Variants in USP4 observed in about 807,000 individuals in gnomAD.
The protein encoded by USP4 is ubiquitin carboxyl-terminal hydrolase 4.
Under a neutral mutation model 118.2 loss-of-function variants are expected in USP4, and 72 were observed. The ratio of observed to expected loss-of-function variants is 0.61; its 90% CI spans 0.50 to 0.74. The LOEUF is 0.74. Among genes scored for constraint, USP4 ranks in the 30% least tolerant of loss-of-function variants. The pLI is 0.00. For synonymous variants in USP4, 415 were observed against 440.4 expected, an observed-to-expected ratio of 0.94 and a Z score of 0.72; for missense variants, 1,037 against 1,185.7, an observed-to-expected ratio of 0.87 and a Z score of 1.84.
chr3:49,329,040 T>C (rs2107801842), intron 2 of USP4, among the ~76,000 whole-genome samples: 1 of 151,470 alleles, frequency 6.6e-6, no homozygotes, highest in Admixed American at 6.6e-5. Flanking sequence ...TAGCTGGGCA[T>C]GGTGGTGCAC....
chr3:49,330,015 C>T (rs1035651985), intron 2 of USP4, among the ~76,000 whole-genome samples: 9 of 151,822 alleles, frequency 5.9e-5, no homozygotes, highest in Admixed American at 5.9e-4. Flanking sequence ...GGACGGGCAC[C>T]TGTATCCCAG....
chr3:49,278,560 G>C (rs1048863171), intron 21 of USP4, 109 bp from the exon 22 acceptor site: 2 of 1,341,536 alleles, frequency 1.5e-6, no homozygotes, highest in Admixed American at 2.1e-5. Flanking sequence ...TATCCACACA[G>C]AGGAGACCCT....
chr3:49,311,777 AG>A, intron 6 of USP4, 123 bp from the exon 7 acceptor site: 1 of 1,425,954 alleles, frequency 7.0e-7, no homozygotes, highest in Non-Finnish European at 9.2e-7. Flanking sequence ...AATTACAAAA[AG>A]CCTGTATTCA....
Position 49,278,469 on chromosome 3 carries a change from GA to G in USP4, c.2734-19del, listed in dbSNP as rs1559461851. The G allele has an allele frequency of 1.9e-6, 3 of 1,610,780 alleles. No homozygotes were observed. Among genetic ancestry groups the G allele is most frequent in the Admixed American group, 3.4e-5 (2 of 59,606 alleles). Reference sequence around the variant, plus strand: ...GCTTTAGTCTGAAATACAAGAGGGGGAAAGACCATTCAGTGCTTGGAAAAAT... The same window carrying G: ...GCTTTAGTCTGAAATACAAGAGGGGGAAGACCATTCAGTGCTTGGAAAAAT... On this transcript the variant is annotated intron_variant, in intron 21 of 21. Transcript: ENST00000265560.
rs552053560 is a variant in USP4, at chr3:49,327,426, C to T, written c.360+260G>A. ...TGAAAGGCGCCTGTAATCCCAGCTA[C>T]TCAGGAGGCTGAGGCACGAGAATCA... is the stretch of plus-strand genomic sequence containing the variant. On this transcript the variant is annotated intron_variant, in intron 3 of 21. Coordinates refer to ENST00000265560, the MANE Select transcript of USP4 (RefSeq NM_003363.4). Among the ~76,000 whole-genome samples, 4 of 152,246 alleles carry T rather than the reference C, an allele frequency of 2.6e-5. No individual in the cohort carries two copies. The South Asian group carries it at 6.2e-4, about 24-fold the overall frequency.
At chr3:49,329,284 T>C (rs951527962) in intron 2 of USP4, among the ~76,000 whole-genome samples, 4 of 152,210 alleles carry the variant, frequency 2.6e-5, no homozygotes, top group Non-Finnish European at 4.4e-5. Flanking sequence ...TTGCTGTTAC[T>C]TCTCCCACTG....
chr3:49,333,390 A>G (rs2047639560), intron 2 of USP4, among the ~76,000 whole-genome samples: 1 of 152,152 alleles, frequency 6.6e-6, no homozygotes, highest in Non-Finnish European at 1.5e-5. Flanking sequence ...ACTTAAGTCC[A>G]GGAGGTTTAC....
At chr3:49,316,165 G>A (rs1255236158) in intron 6 of USP4, among the ~76,000 whole-genome samples, 1 of 152,000 alleles carries the variant, frequency 6.6e-6, no homozygotes, top group East Asian at 1.9e-4. Flanking sequence ...TCGCGCCATT[G>A]CACTCCAGAC....
intron 10 of USP4, 142 bp from the exon 11 acceptor site, chr3:49,300,833 G>T: frequency 1.4e-6 from 1 of 710,886 alleles, no homozygotes; most frequent in Non-Finnish European, 2.3e-6. Flanking sequence ...AACAAGGCCA[G>T]GACTACTCTT....
intron 7 of USP4, 75 bp downstream of exon 7, chr3:49,311,439 A>G: frequency 3.3e-6 from 5 of 1,529,588 alleles, no homozygotes; most frequent in Non-Finnish European, 4.5e-6. Flanking sequence ...TTAGTGGAGC[A>G]GCAGATGAGC....
intron 17 of USP4, 103 bp downstream of exon 17, chr3:49,284,742 TTAAA>T: frequency 7.8e-7 from 1 of 1,282,990 alleles, no homozygotes; most frequent in South Asian, 1.3e-5. Context: ...CTTCTCAGTC[TTAAA>T]TATAACTTGC....
At chr3:49,304,233 A>G (rs1438924279) in intron 9 of USP4, among the ~76,000 whole-genome samples, 3 of 152,130 alleles carry the variant, frequency 2.0e-5, no homozygotes, top group African/African-American at 7.2e-5. Flanking sequence ...TGAATCATAA[A>G]TATGCATGTC....
At chr3:49,325,959 T>C in intron 3 of USP4, 114 bp from the exon 4 acceptor site, 3 of 1,329,386 alleles carry the variant, frequency 2.3e-6, no homozygotes, top group Non-Finnish European at 1.0e-6. Flanking sequence ...CCATTTCCTT[T>C]ACTGATCAAG....
Position 49,302,445 on chromosome 3 carries a change from A to T in USP4, c.1226T>A (p.Leu409Gln). The T allele has an allele frequency of 6.2e-7, 1 of 1,614,210 alleles. No individual in the cohort carries two copies. Among genetic ancestry groups the T allele is most frequent in the Non-Finnish European group, 8.5e-7 (1 of 1,180,044 alleles). The change falls in exon 10 of 22, where the codon CTG (leucine) becomes CAG (glutamine). Residue 409 changes from leucine (L) to glutamine (Q), a missense_variant. By Grantham distance (113) the Leu-to-Gln change is moderately radical. This residue lies in a region of USP4 where 487 missense variants were observed against 534.1 expected (regional missense o/e 0.91). Coordinates refer to ENST00000265560, the MANE Select transcript of USP4 (RefSeq NM_003363.4). ...AFLLDGLHED[L>Q]NRVKKKPYLE... ...GTAGGGCTTTTTCTTTACCCGGTTC[A>T]GATCTTCATGCAATCCATCTAGAAG... is the stretch of plus-strand genomic sequence containing the variant.
intron 14 of USP4, among the ~76,000 whole-genome samples, chr3:49,294,174 G>A (rs1446854505): frequency 1.3e-5 from 2 of 152,176 alleles, no homozygotes; most frequent in East Asian, 3.9e-4. Flanking sequence ...TAGTAGAGAC[G>A]GGATTTCACC....
At chr3:49,287,421 T>C (rs900092194) in intron 15 of USP4, among the ~76,000 whole-genome samples, 42 of 152,236 alleles carry the variant, frequency 2.8e-4, no homozygotes, top group African/African-American at 9.6e-4. Context: ...CCCAAAGTAC[T>C]GGGATTACAG....
At chr3:49,279,404 CAG>C (rs771166336) in intron 20 of USP4, among the ~76,000 whole-genome samples, 4 of 151,450 alleles carry the variant, frequency 2.6e-5, no homozygotes, top group Non-Finnish European at 2.9e-5. Context: ...TTTGGGTTTG[CAG>C]AGCTGGGATG....
At position 49,292,491 on chromosome 3, in the gene USP4, G is replaced by A. The variant is rs556516089; in HGVS notation, c.1972+19C>T. The A allele has an allele frequency of 1.1e-4, 166 of 1,508,494 alleles. 5 individuals carry two copies. The South Asian group carries it at 2.0e-3, about 18-fold the overall frequency. 93.4% of individuals were successfully genotyped at this position (1,508,494 alleles called of 1,614,324 possible). ...AGGTATTTGGTCAGTCACAGCCACA[G>A]AGCATGGTGCATACTCACCTTCACA... On this transcript the variant is annotated intron_variant, in intron 15 of 21. Transcript: ENST00000265560.
At chr3:49,281,452 T>C (rs2047024042) in intron 19 of USP4, among the ~76,000 whole-genome samples, 1 of 144,580 alleles carries the variant, frequency 6.9e-6, no homozygotes, top group African/African-American at 2.6e-5. Flanking sequence ...CGAGACTCCG[T>C]CTCAAAAAAG....
Sources: gnomAD v4.1 joint callset for allele counts (sites outside exome capture counted in the v4.1 genomes callset) on GRCh38, gnomAD v4.1.1 for gene constraint, gnomAD v4.1.1 regional missense constraint, MANE v1.5 for transcripts, NCBI Gene and HGNC (gene_info 2026-07-23, HGNC 2026-07-21) for gene names.